Variants in LRRC8A observed in about 807,000 individuals in gnomAD.
LRRC8A encodes leucine rich repeat containing 8 VRAC subunit A.
Under a neutral mutation model 52.5 loss-of-function variants are expected in LRRC8A, and 24 were observed. That is an observed-to-expected ratio of 0.46 (90% CI 0.33 to 0.64). The LOEUF (loss-of-function observed/expected upper bound fraction) is 0.64, where lower values mean the gene tolerates loss of function less well. Ranked by LOEUF, LRRC8A falls within the 30% of genes least tolerant of loss-of-function variation. LRRC8A has a pLI of 0.02. For synonymous variants in LRRC8A, 492 were observed against 494.2 expected, an observed-to-expected ratio of 1.00 and a Z score of 0.06; for missense variants, 677 against 1,094.7, an observed-to-expected ratio of 0.62 and a Z score of 5.38.
intron 3 of LRRC8A, among the ~76,000 whole-genome samples, chr9:128,914,010 G>C (rs1840684323): frequency 6.6e-6 from 1 of 152,180 alleles, no homozygotes; most frequent in African/African-American, 2.4e-5. Context: ...TTCAAGACCA[G>C]CCTGGCCGAC....
At chr9:128,886,670 A>G (rs770190508) in intron 2 of LRRC8A, among the ~76,000 whole-genome samples, 3 of 152,204 alleles carry the variant, frequency 2.0e-5, no homozygotes, top group Non-Finnish European at 2.9e-5. Context: ...TGTGCTTTGG[A>G]AAACAGTTCC....
At chr9:128,913,913 C>A (rs73670000) in intron 3 of LRRC8A, among the ~76,000 whole-genome samples, 1,920 of 152,270 alleles carry the variant, frequency 0.013, 30 homozygotes, top group African/African-American at 0.041. Context: ...GAAAGCACCC[C>A]CTGTGCCTGG....
rs1467404460 is a variant in LRRC8A at position 128,892,853 on chromosome 9, A to G, written c.-9+6732A>G. On this transcript the variant is annotated intron_variant, in intron 2 of 3. Coordinates refer to ENST00000372600, the MANE Select transcript of LRRC8A (RefSeq NM_019594.4). The surrounding 1 kb of genome is among the most constrained non-coding windows in gnomAD (Gnocchi z 5.2). The stretch of plus-strand genomic sequence containing the variant: ...CCATCTCTGGTACAGGAGGGGTGCC[A>G]ACCTCCCGCCTCCCCTCCTGCTTGG... Among the ~76,000 whole-genome samples the G allele has an allele frequency of 6.6e-6, 1 of 152,042 alleles. No homozygotes were observed. The highest frequency in any genetic ancestry group is 1.5e-5 in the Non-Finnish European group (1 of 67,976).
chr9:128,904,838 CA>C (rs755243751), intron 2 of LRRC8A, among the ~76,000 whole-genome samples: 3 of 148,472 alleles, frequency 2.0e-5, no homozygotes, highest in East Asian at 2.0e-4. Context: ...ACTAAAAATA[CA>C]AAAAAAAATT....
intron 3 of LRRC8A, among the ~76,000 whole-genome samples, chr9:128,912,546 C>T (rs1486476682): frequency 6.6e-6 from 1 of 151,652 alleles, no homozygotes; most frequent in African/African-American, 2.4e-5. Flanking sequence ...TCCTACACCT[C>T]AGTTTCAATT....
At chr9:128,914,613 C>T (rs545012882) in intron 3 of LRRC8A, among the ~76,000 whole-genome samples, 2 of 152,282 alleles carry the variant, frequency 1.3e-5, no homozygotes, top group Admixed American at 1.3e-4. Context: ...GGGCCTCAGT[C>T]TCCTTGGCAG....
chr9:128,905,736 C>T (rs1002360909), intron 2 of LRRC8A, among the ~76,000 whole-genome samples: 2 of 151,942 alleles, frequency 1.3e-5, no homozygotes, highest in East Asian at 1.9e-4. Flanking sequence ...CCCAGCTACT[C>T]GGGAGGCTGA....
intron 1 of LRRC8A, chr9:128,883,021 G>T: frequency 2.7e-6 from 1 of 367,028 alleles, no homozygotes; most frequent in East Asian, 3.9e-5. Context: ...CCTTGATCTG[G>T]ACCGGGGTGA....
rs1186096772 is a variant in LRRC8A, at chr9:128,893,000, A to G, written c.-9+6879A>G. Among the ~76,000 whole-genome samples, 2 of 152,126 alleles carry G rather than the reference A, an allele frequency of 1.3e-5. No homozygotes were observed. The highest frequency in any genetic ancestry group is 2.9e-5 in the Non-Finnish European group (2 of 68,016). On this transcript the variant is annotated intron_variant, in intron 2 of 3. Transcript: ENST00000372600. This position sits in a 1 kb window ranked among gnomAD's most constrained non-coding sequence, Gnocchi z 5.2. The stretch of plus-strand genomic sequence containing the variant: ...CCACGCCAAATCCCTGTGGGCCCAC[A>G]TGGGGTCTGGTGCGTGCTGGGGGGG...
At chr9:128,901,846 G>A (rs1840039195) in intron 2 of LRRC8A, among the ~76,000 whole-genome samples, 1 of 152,190 alleles carries the variant, frequency 6.6e-6, no homozygotes, top group African/African-American at 2.4e-5. Flanking sequence ...GCTCCTGTTG[G>A]GGTGGGGCTC....
At chr9:128,906,913 G>A (rs1043048188) in intron 2 of LRRC8A, among the ~76,000 whole-genome samples, 1 of 152,246 alleles carries the variant, frequency 6.6e-6, no homozygotes, top group Non-Finnish European at 1.5e-5. Context: ...CAGTCTTCCT[G>A]TGTATTAAAT....
intron 1 of LRRC8A, among the ~76,000 whole-genome samples, chr9:128,885,746 A>T (rs767675095): frequency 3.3e-5 from 5 of 152,190 alleles, no homozygotes; most frequent in Non-Finnish European, 7.3e-5. Flanking sequence ...TGTCTCTACT[A>T]AAAATACAAA....
intron 3 of LRRC8A, among the ~76,000 whole-genome samples, chr9:128,915,579 C>A (rs1840774949): frequency 6.6e-6 from 1 of 152,262 alleles, no homozygotes; most frequent in Non-Finnish European, 1.5e-5. Flanking sequence ...CCCGCCTCAG[C>A]CTCCCAAAGT....
In LRRC8A at chr9:128,899,912, A is replaced by G. The variant is rs1839962050; in HGVS notation, c.-8-7245A>G. Among the ~76,000 whole-genome samples, 1 of 152,222 alleles carries G rather than the reference A, an allele frequency of 6.6e-6. No homozygotes were observed. The highest frequency in any genetic ancestry group is 1.5e-5 in the Non-Finnish European group (1 of 68,038). On this transcript the variant is annotated intron_variant, in intron 2 of 3. Coordinates refer to ENST00000372600, the MANE Select transcript of LRRC8A (RefSeq NM_019594.4). The surrounding 1 kb of genome is among the most constrained non-coding windows in gnomAD (Gnocchi z 4.0). ...TTTTCAGTTACATGTGTTTTATGACAGTCTAAAAAAATTGAGGGGAAAAAA... is the reference window on the plus strand; with the variant it reads ...TTTTCAGTTACATGTGTTTTATGACGGTCTAAAAAAATTGAGGGGAAAAAA...
intron 2 of LRRC8A, among the ~76,000 whole-genome samples, chr9:128,889,683 C>T (rs1056138653): frequency 1.3e-5 from 2 of 151,808 alleles, no homozygotes; most frequent in Non-Finnish European, 1.5e-5. Flanking sequence ...TTAGTAGAGA[C>T]GGGGTGTCAC....
Position 128,907,136 on chromosome 9 carries a change from C to G in LRRC8A, c.-8-21C>G, listed in dbSNP as rs186057108. 1 of 1,580,406 alleles carries G rather than the reference C, an allele frequency of 6.3e-7. No individual in the cohort carries two copies. Among genetic ancestry groups the G allele is most frequent in the Non-Finnish European group, 8.6e-7 (1 of 1,157,196 alleles). On this transcript the variant is annotated intron_variant, in intron 2 of 3. Transcript: ENST00000372600. This position sits in a 1 kb window ranked among gnomAD's most constrained non-coding sequence, Gnocchi z 9.3. ...AGCCAGGCCACCCTGTGCTAACCCCCCTCCTATGGCTCCCTTTTAGGTTGA... is the reference window on the plus strand; with the variant it reads ...AGCCAGGCCACCCTGTGCTAACCCCGCTCCTATGGCTCCCTTTTAGGTTGA...
At chr9:128,888,673 G>A (rs750582986) in intron 2 of LRRC8A, among the ~76,000 whole-genome samples, 1 of 152,128 alleles carries the variant, frequency 6.6e-6, no homozygotes, top group African/African-American at 2.4e-5. Flanking sequence ...TGGCAGCCTC[G>A]TTTTGCGGGG....
rs1040486546 is a variant in LRRC8A at position 128,918,030 on chromosome 9, A to G, written c.*1659A>G. Reference sequence around the variant, plus strand: ...TCGGTCACAGTATCAAATAAAATCTATAACAGAAAGTGGCCTTTGGAGGTC... The same window carrying G: ...TCGGTCACAGTATCAAATAAAATCTGTAACAGAAAGTGGCCTTTGGAGGTC... On this transcript the variant is annotated 3_prime_UTR_variant, in exon 4 of 4. Coordinates refer to ENST00000372600, the MANE Select transcript of LRRC8A (RefSeq NM_019594.4). 18 of 152,636 alleles carry G rather than the reference A, an allele frequency of 1.2e-4. No individual in the cohort carries two copies. Among genetic ancestry groups the G allele is most frequent in the African/African-American group, 4.3e-4 (18 of 41,442 alleles). The allele number at this position is 152,636 out of a possible 1,614,324, so 9.5% of individuals were successfully genotyped here. A position where few individuals can be genotyped will look rare whatever the true frequency, so the allele number is the denominator to read the frequency against.
Position 128,911,869 on chromosome 9 carries a change from C to G in LRRC8A, c.2157+2548C>G, listed in dbSNP as rs911898161. 4.6e-5 allele frequency among the ~76,000 whole-genome samples: 7 copies of G among 152,258 alleles called. No homozygotes were observed. Among genetic ancestry groups the G allele is most frequent in the African/African-American group, 1.7e-4 (7 of 41,478 alleles). ...ACTTGGGCCAACCCCAGGCAGGCCC[C>G]TCATTCTGAGTGGGAGGCCTGAGCC... On this transcript the variant is annotated intron_variant, in intron 3 of 3. Coordinates refer to ENST00000372600, the MANE Select transcript of LRRC8A (RefSeq NM_019594.4). This position sits in a 1 kb window ranked among gnomAD's most constrained non-coding sequence, Gnocchi z 4.9.
Sources: gnomAD v4.1 joint callset for allele counts (sites outside exome capture counted in the v4.1 genomes callset) on GRCh38, gnomAD v4.1.1 for gene constraint, Gnocchi (gnomAD v3.1) non-coding constraint, MANE v1.5 for transcripts, NCBI Gene and HGNC (gene_info 2026-07-23, HGNC 2026-07-21) for gene names.